SDK1: variants seen among roughly 807,000 people sequenced by gnomAD.
The protein encoded by SDK1 is sidekick cell adhesion molecule 1, also known as protein sidekick-1.
In SDK1, 157 loss-of-function variants were observed where a neutral mutation model predicts 245.5. The ratio of observed to expected loss-of-function variants is 0.64; its 90% CI spans 0.56 to 0.73. The LOEUF (loss-of-function observed/expected upper bound fraction) is 0.73, where lower values mean the gene tolerates loss of function less well. SDK1 is among the 30% of genes least tolerant of loss of function. The probability of loss-of-function intolerance (pLI) is 0.00; values close to 1 mark genes in which losing one functional copy is unlikely to be tolerated. For synonymous variants in SDK1, 1,647 were observed against 1,278.5 expected (o/e 1.29, Z -6.15); for missense variants, 3,583 against 3,002.3 (o/e 1.19, Z -4.52).
intron 4 of SDK1, among the ~76,000 whole-genome samples, chr7:3,708,212 C>G (rs982094056): frequency 2.6e-5 from 4 of 152,180 alleles, no homozygotes; most frequent in Non-Finnish European, 5.9e-5. Flanking sequence ...CGAGAACTCA[C>G]TCACTATCAC....
chr7:3,712,438 G>T (rs1010932336), intron 4 of SDK1, among the ~76,000 whole-genome samples: 1 of 152,136 alleles, frequency 6.6e-6, no homozygotes, highest in Admixed American at 6.5e-5. Context: ...GTTGTATAAC[G>T]ATTTCATTAT....
intron 27 of SDK1, among the ~76,000 whole-genome samples, chr7:4,131,801 A>T (rs982442210): frequency 1.5e-4 from 22 of 151,416 alleles, no homozygotes; most frequent in African/African-American, 5.3e-4. Context: ...AGGATGATGC[A>T]GGAGAGAGGT....
intron 4 of SDK1, among the ~76,000 whole-genome samples, chr7:3,775,934 T>C (rs1050388061): frequency 5.9e-5 from 9 of 152,256 alleles, no homozygotes; most frequent in African/African-American, 2.2e-4. Context: ...TTCCCACAGT[T>C]GTTTGTGACC....
intron 22 of SDK1, among the ~76,000 whole-genome samples, chr7:4,089,177 A>G (rs1781627487): frequency 1.3e-5 from 2 of 151,946 alleles, no homozygotes; most frequent in Admixed American, 1.3e-4. Flanking sequence ...CCTCGTGGGC[A>G]TCTGCAGGAT....
At chr7:3,835,057 C>G (rs762636610) in intron 5 of SDK1, among the ~76,000 whole-genome samples, 2 of 152,140 alleles carry the variant, frequency 1.3e-5, no homozygotes, top group Non-Finnish European at 2.9e-5. Flanking sequence ...CCTTGGAGAT[C>G]GCACTCAAGA....
intron 1 of SDK1, among the ~76,000 whole-genome samples, chr7:3,481,827 T>C (rs1473036961): frequency 6.6e-6 from 1 of 152,198 alleles, no homozygotes; most frequent in African/African-American, 2.4e-5. Flanking sequence ...TTTTGTGAAA[T>C]TCCCTTTATT....
At chr7:4,119,113 C>T (rs1170869346) in intron 25 of SDK1, among the ~76,000 whole-genome samples, 2 of 148,278 alleles carry the variant, frequency 1.3e-5, no homozygotes, top group East Asian at 1.9e-4. Flanking sequence ...AAAAAAAAAG[C>T]TCAGCCTTCC....
At chr7:4,247,736 A>T (rs1416128131) in intron 44 of SDK1, among the ~76,000 whole-genome samples, 1 of 152,184 alleles carries the variant, frequency 6.6e-6, no homozygotes, top group Non-Finnish European at 1.5e-5. Context: ...CCCAGGGTGA[A>T]CGTGCACTCC....
intron 20 of SDK1, among the ~76,000 whole-genome samples, chr7:4,069,617 G>A (rs1039764917): frequency 2.2e-4 from 33 of 152,236 alleles, no homozygotes; most frequent in African/African-American, 7.5e-4. Context: ...TGCTCTCTGG[G>A]TGTGTCCTAG....
intron 35 of SDK1, among the ~76,000 whole-genome samples, chr7:4,201,418 G>A (rs1014333165): frequency 6.6e-6 from 1 of 152,128 alleles, no homozygotes; most frequent in Admixed American, 6.5e-5. Context: ...TCACCAGTTT[G>A]CTTTGATGTC....
chr7:3,840,215 A>G (rs1033250898), intron 5 of SDK1, among the ~76,000 whole-genome samples: 1 of 152,238 alleles, frequency 6.6e-6, no homozygotes, highest in African/African-American at 2.4e-5. Context: ...AATAAGAGGC[A>G]TATGCGTAAT....
At chr7:3,579,998 A>G (rs140537771) in intron 1 of SDK1, among the ~76,000 whole-genome samples, 157 of 152,304 alleles carry the variant, frequency 1.0e-3, no homozygotes, top group African/African-American at 3.6e-3. Context: ...TACACCAACA[A>G]CATCCAAGCT....
intron 4 of SDK1, among the ~76,000 whole-genome samples, chr7:3,807,924 C>A (rs1002516238): frequency 6.6e-6 from 1 of 152,158 alleles, no homozygotes; most frequent in African/African-American, 2.4e-5. Flanking sequence ...CTTTTAATAT[C>A]TCGTTTAATT....
intron 20 of SDK1, among the ~76,000 whole-genome samples, chr7:4,068,881 C>G (rs1301845163): frequency 6.6e-6 from 1 of 151,936 alleles, no homozygotes. Context: ...GCCACCATAC[C>G]TGGCTAATTT....
chr7:3,570,593 T>A (rs548843368), intron 1 of SDK1, among the ~76,000 whole-genome samples: 1 of 152,306 alleles, frequency 6.6e-6, no homozygotes, highest in African/African-American at 2.4e-5. Context: ...AGTCTCCAAT[T>A]CTGTCTTATC....
intron 44 of SDK1, among the ~76,000 whole-genome samples, chr7:4,260,341 G>A (rs13242139): frequency 1.3e-4 from 11 of 84,974 alleles, no homozygotes; most frequent in South Asian, 4.4e-4. Flanking sequence ...CCGGGGCCTC[G>A]GTGTGTGTGG....
chr7:3,418,492 T>A (rs1319723334), intron 1 of SDK1, among the ~76,000 whole-genome samples: 2 of 152,064 alleles, frequency 1.3e-5, no homozygotes, highest in African/African-American at 4.8e-5. Flanking sequence ...CAGCCAAAAG[T>A]ACAGTCATTT....
At chr7:3,386,476 T>C (rs531585254) in intron 1 of SDK1, among the ~76,000 whole-genome samples, 1 of 152,324 alleles carries the variant, frequency 6.6e-6, no homozygotes, top group East Asian at 1.9e-4. Context: ...TTGTTTAGAG[T>C]TAACAGAGCT....
intron 1 of SDK1, among the ~76,000 whole-genome samples, chr7:3,436,380 A>G (rs1020644772): frequency 6.6e-6 from 1 of 152,308 alleles, no homozygotes; most frequent in Admixed American, 6.5e-5. Flanking sequence ...GGTTCAATTT[A>G]AAACCTAATT....
Sources: gnomAD v4.1 joint callset for allele counts (sites outside exome capture counted in the v4.1 genomes callset) on GRCh38, gnomAD v4.1.1 for gene constraint, MANE v1.5 for transcripts, NCBI Gene and HGNC (gene_info 2026-07-23, HGNC 2026-07-21) for gene names.